Variants in FAM107B observed in about 807,000 individuals in gnomAD.
The protein encoded by FAM107B is family with sequence similarity 107 member B, also known as protein FAM107B.
Under a neutral mutation model 31.5 loss-of-function variants are expected in FAM107B, and 21 were observed. The ratio of observed to expected loss-of-function variants is 0.67; its 90% CI spans 0.47 to 0.96. FAM107B has a LOEUF of 0.96. Ranked by LOEUF, FAM107B falls within the 40% of genes least tolerant of loss-of-function variation. FAM107B has a pLI of 0.00. For missense variants in FAM107B, 452 were observed against 377.1 expected, an observed-to-expected ratio of 1.20 and a Z score of -1.64; for synonymous variants, 157 against 141.5, an observed-to-expected ratio of 1.11 and a Z score of -0.78.
At chr10:14,634,860 C>T (rs894433931) in intron 2 of FAM107B, among the ~76,000 whole-genome samples, 8 of 152,098 alleles carry the variant, frequency 5.3e-5, no homozygotes, top group Non-Finnish European at 1.2e-4. Flanking sequence ...GAGGCCGAGG[C>T]AGGCAGATCA....
At chr10:14,539,697 A>C (rs757785210) in intron 2 of FAM107B, among the ~76,000 whole-genome samples, 2 of 152,218 alleles carry the variant, frequency 1.3e-5, no homozygotes, top group Non-Finnish European at 2.9e-5. Flanking sequence ...TCAGGGAAGG[A>C]GGTAAAAATG....
chr10:14,712,270 A>G (rs1453275652), intron 1 of FAM107B, among the ~76,000 whole-genome samples: 2 of 152,092 alleles, frequency 1.3e-5, no homozygotes, highest in Non-Finnish European at 2.9e-5. Context: ...ATACTCACAA[A>G]AATTAAAAAA....
chr10:14,671,879 A>C (rs1270993905), intron 1 of FAM107B, among the ~76,000 whole-genome samples: 7 of 49,680 alleles, frequency 1.4e-4, no homozygotes, highest in Non-Finnish European at 3.2e-4. Flanking sequence ...ATTTAAAAAA[A>C]AAAAACAAAA....
chr10:14,534,828 A>T (rs1847440250), intron 2 of FAM107B: 1 of 152,248 alleles, frequency 6.6e-6, no homozygotes, highest in South Asian at 2.1e-4. Flanking sequence ...ACTGCAAAGA[A>T]CATGTCTGGT....
chr10:14,702,142 T>A (rs563485837), intron 1 of FAM107B, among the ~76,000 whole-genome samples: 2 of 152,380 alleles, frequency 1.3e-5, no homozygotes, highest in South Asian at 4.1e-4. Context: ...CATGCAATAT[T>A]CTTAAGGAAC....
At chr10:14,648,819 T>C (rs1324475915) in intron 2 of FAM107B, among the ~76,000 whole-genome samples, 1 of 152,194 alleles carries the variant, frequency 6.6e-6, no homozygotes, top group African/African-American at 2.4e-5. Flanking sequence ...AGTTCTTCAT[T>C]CCATAAATAT....
intron 2 of FAM107B, among the ~76,000 whole-genome samples, chr10:14,586,340 T>A (rs768000097): frequency 6.6e-6 from 1 of 152,146 alleles, no homozygotes; most frequent in Non-Finnish European, 1.5e-5. Flanking sequence ...GAAAAAAATA[T>A]ATGAGATGAG....
At chr10:14,768,739 A>G (rs918220869) in intron 1 of FAM107B, among the ~76,000 whole-genome samples, 2 of 152,222 alleles carry the variant, frequency 1.3e-5, no homozygotes, top group Non-Finnish European at 2.9e-5. Flanking sequence ...ATGCTTTCCA[A>G]CAAATTTTTG....
chr10:14,604,225 G>C (rs1397507701), intron 2 of FAM107B: 18 of 979,752 alleles, frequency 1.8e-5, no homozygotes, highest in Non-Finnish European at 2.1e-5. Flanking sequence ...AAGTAAGTGC[G>C]GGAGGCGAAC....
intron 3 of FAM107B, among the ~76,000 whole-genome samples, chr10:14,525,592 A>T (rs910425262): frequency 6.6e-6 from 1 of 152,190 alleles, no homozygotes; most frequent in Admixed American, 6.5e-5. Flanking sequence ...ATCCAGAGAT[A>T]ACTCTTACCA....
At chr10:14,676,580 A>C (rs1403357167) in intron 1 of FAM107B, among the ~76,000 whole-genome samples, 1 of 152,184 alleles carries the variant, frequency 6.6e-6, no homozygotes, top group African/African-American at 2.4e-5. Flanking sequence ...TTCTAGTAAC[A>C]CAGATAAGTC....
At chr10:14,532,531 T>C (rs533326550) in intron 2 of FAM107B, 9 of 152,306 alleles carry the variant, frequency 5.9e-5, no homozygotes, top group African/African-American at 2.2e-4. Flanking sequence ...ACTAGTTGCA[T>C]TGCTCTTTTA....
intron 2 of FAM107B, among the ~76,000 whole-genome samples, chr10:14,568,390 TGGAGGAGAAGGCTGGCTGATGATCC>T (rs1850865824): frequency 1.3e-5 from 2 of 149,252 alleles, no homozygotes; most frequent in Admixed American, 6.7e-5. Flanking sequence ...GTGAAGATAC[TGGAGGAGAAGGCTGGCTGATGATCC>T]CAGGGTTAGA....
At chr10:14,635,383 G>T (rs900704124) in intron 2 of FAM107B, among the ~76,000 whole-genome samples, 2 of 152,162 alleles carry the variant, frequency 1.3e-5, no homozygotes, top group Admixed American at 6.5e-5. Flanking sequence ...AAGGCTAAAA[G>T]AACTAAATGG....
At chr10:14,654,060 G>T (rs1434022561) in intron 2 of FAM107B, 1 of 150,990 alleles carries the variant, frequency 6.6e-6, no homozygotes, top group African/African-American at 2.4e-5. Flanking sequence ...GCCTGCAGGG[G>T]CCAGGCAGGA....
chr10:14,526,839 A>ATTTTTTTT (rs200129783), intron 3 of FAM107B, among the ~76,000 whole-genome samples: 1 of 149,410 alleles, frequency 6.7e-6, no homozygotes. Context: ...CAGAAATATT[A>ATTTTTTTT]ATTTTTTTTT....
At chr10:14,626,456 G>A (rs1034798547) in intron 2 of FAM107B, among the ~76,000 whole-genome samples, 3 of 150,894 alleles carry the variant, frequency 2.0e-5, no homozygotes, top group African/African-American at 7.3e-5. Flanking sequence ...GTTATCACAG[G>A]ACCTGACTTT....
intron 2 of FAM107B, among the ~76,000 whole-genome samples, chr10:14,618,833 T>TA (rs377273734): frequency 5.4e-5 from 8 of 148,574 alleles, no homozygotes; most frequent in Non-Finnish European, 1.2e-4. Flanking sequence ...TGAGACTGCT[T>TA]AAAAAAAAAA....
At chr10:14,614,404 G>A (rs1445787612) in intron 2 of FAM107B, among the ~76,000 whole-genome samples, 1 of 152,122 alleles carries the variant, frequency 6.6e-6, no homozygotes, top group African/African-American at 2.4e-5. Context: ...CAGGTGCAGT[G>A]TCTCACGCCT....
Sources: gnomAD v4.1 joint callset for allele counts (sites outside exome capture counted in the v4.1 genomes callset) on GRCh38, gnomAD v4.1.1 for gene constraint, MANE v1.5 for transcripts, NCBI Gene and HGNC (gene_info 2026-07-23, HGNC 2026-07-21) for gene names.